FARSB: variants seen among roughly 807,000 people sequenced by gnomAD.
FARSB encodes phenylalanyl-tRNA synthetase subunit beta, also known as phenylalanine--tRNA ligase beta subunit.
FARSB carries 40 observed loss-of-function variants against 69.6 expected under a neutral mutation model. The observed-to-expected ratio is 0.57, with a 90% CI of 0.45 to 0.75. The LOEUF (loss-of-function observed/expected upper bound fraction) is 0.75. Among genes scored for constraint, FARSB ranks in the 30% least tolerant of loss-of-function variants. FARSB has a pLI of 0.00. For missense variants in FARSB, 632 were observed against 722.9 expected (o/e 0.87, Z 1.44); for synonymous variants, 235 against 247.2 (o/e 0.95, Z 0.46).
At chr2:222,607,962 T>C (rs1486388704) in intron 15 of FARSB, among the ~76,000 whole-genome samples, 1 of 151,638 alleles carries the variant, frequency 6.6e-6, no homozygotes, top group Non-Finnish European at 1.5e-5. Context: ...TTTTTACCTA[T>C]TAAAAAAAAA....
rs150135030 is a variant in FARSB, at chr2:222,628,145, C to A, written c.900+692G>T. On this transcript the variant is annotated intron_variant, in intron 10 of 16. Coordinates refer to ENST00000281828, the MANE Select transcript of FARSB (RefSeq NM_005687.5). ...TGCCTTCAGCAACTGTTAATTCAAG[C>A]GTGAACAGACTATGTTCGGAGGGCT... Among the ~76,000 whole-genome samples, 220 of 152,234 alleles carry A rather than the reference C, an allele frequency of 1.4e-3. 1 individual carries two copies. The highest frequency in any genetic ancestry group is 0.013 in the Admixed American group (193 of 15,286).
At chr2:222,580,178 G>A (rs552870458) in intron 16 of FARSB, among the ~76,000 whole-genome samples, 1 of 151,946 alleles carries the variant, frequency 6.6e-6, no homozygotes, top group South Asian at 2.1e-4. Context: ...CTTGGGAACT[G>A]CTTTTTCAAG....
intron 14 of FARSB, among the ~76,000 whole-genome samples, chr2:222,614,550 T>C (rs1423553855): frequency 6.6e-6 from 1 of 152,214 alleles, no homozygotes; most frequent in Non-Finnish European, 1.5e-5. Flanking sequence ...AATGTTTAAA[T>C]AGATTAAATA....
chr2:222,603,739 T>A (rs1363969886), intron 15 of FARSB, among the ~76,000 whole-genome samples: 1 of 147,818 alleles, frequency 6.8e-6, no homozygotes, highest in Non-Finnish European at 1.5e-5. Flanking sequence ...ATTATATATA[T>A]TAATTAATTA....
In FARSB at chr2:222,612,121, T is replaced by C. The variant is rs147902331; in HGVS notation, c.1462+1690A>G. The stretch of plus-strand genomic sequence containing the variant: ...AGAAAAATTTGACAATGGAATTATA[T>C]CAAATTCTCAGTTATCTCTACCAGT... On this transcript the variant is annotated intron_variant, in intron 15 of 16. Transcript: ENST00000281828. Among the ~76,000 whole-genome samples the C allele has an allele frequency of 5.6e-4, 86 of 152,294 alleles. 1 individual carries two copies. Among genetic ancestry groups the C allele is most frequent in the Middle Eastern group, 3.4e-3 (1 of 294 alleles).
chr2:222,605,161 T>TCTCTCTCTCTC (rs1690667824), intron 15 of FARSB, among the ~76,000 whole-genome samples: 1 of 132,674 alleles, frequency 7.5e-6, no homozygotes, highest in Non-Finnish European at 1.6e-5. Flanking sequence ...AATACAAACT[T>TCTCTCTCTCTC]TCTCTCTCTC....
At chr2:222,607,740 A>AT (rs1162221989) in intron 15 of FARSB, among the ~76,000 whole-genome samples, 7 of 152,090 alleles carry the variant, frequency 4.6e-5, no homozygotes, top group Admixed American at 6.5e-5. Flanking sequence ...TATATTTTCA[A>AT]TTTTTTTAAA....
intron 14 of FARSB, among the ~76,000 whole-genome samples, chr2:222,614,807 C>G (rs1690954414): frequency 6.6e-6 from 1 of 152,162 alleles, no homozygotes; most frequent in South Asian, 2.1e-4. Flanking sequence ...CCACTGCTCT[C>G]CAGCCTAGGC....
rs1233251602 is a variant in FARSB, at chr2:222,570,103, G to A, written c.*1768C>T. Among the ~76,000 whole-genome samples, 1 of 152,146 alleles carries A rather than the reference G, an allele frequency of 6.6e-6. No homozygotes were observed. The highest frequency in any genetic ancestry group is 1.5e-5 in the Non-Finnish European group (1 of 68,016). The stretch of plus-strand genomic sequence containing the variant: ...TTTAATGGGTATGCAGTTTGTCATT[G>A]TGAATTTTAGTTGCATTTCCCTGAT... On this transcript the variant is annotated 3_prime_UTR_variant, in exon 17 of 17. Coordinates refer to ENST00000281828, the MANE Select transcript of FARSB (RefSeq NM_005687.5).
At position 222,656,045 on chromosome 2, in the gene FARSB, A is replaced by G; in HGVS notation, c.29T>C (p.Leu10Pro). ...GGTGCGGCCCAGGGCTTGGAAGAGC[A>G]GATCACGCTTCACGCTGACAGTCGG... Reference protein sequence around the residue: MPTVSVKRDLLFQALGRTYT... With the variant: MPTVSVKRDPLFQALGRTYT... The change falls in exon 1 of 17, where the codon CTG becomes CCG. Residue 10 changes from leucine to proline, a missense_variant. By Grantham distance (98) the Leu-to-Pro change is moderately conservative. Coordinates refer to ENST00000281828, the MANE Select transcript of FARSB (RefSeq NM_005687.5). 1.9e-6 allele frequency: 3 copies of G among 1,597,582 alleles called. No individual in the cohort carries two copies. The highest frequency in any genetic ancestry group is 2.6e-6 in the Non-Finnish European group (3 of 1,173,066).
At position 222,604,495 on chromosome 2, in the gene FARSB, T is replaced by C. The variant is rs182026508; in HGVS notation, c.1463-4412A>G. 3.9e-5 allele frequency among the ~76,000 whole-genome samples: 6 copies of C among 152,298 alleles called. No homozygotes were observed. The East Asian group carries it at 1.2e-3, about 29-fold the overall frequency. On this transcript the variant is annotated intron_variant, in intron 15 of 16. Coordinates refer to ENST00000281828, the MANE Select transcript of FARSB (RefSeq NM_005687.5). Reference sequence around the variant, plus strand: ...TATATTCAAGGCGCTCTATTCTAGATATTCTTTGATGATAGAGGTCAAAGC... The same window carrying C: ...TATATTCAAGGCGCTCTATTCTAGACATTCTTTGATGATAGAGGTCAAAGC...
intron 6 of FARSB, among the ~76,000 whole-genome samples, chr2:222,634,029 T>C (rs1043155855): frequency 2.6e-5 from 4 of 152,218 alleles, no homozygotes; most frequent in African/African-American, 9.6e-5. Context: ...GCTGGACTTT[T>C]AAATAATGGG....
At chr2:222,602,948 A>G (rs886152524) in intron 15 of FARSB, among the ~76,000 whole-genome samples, 1 of 152,100 alleles carries the variant, frequency 6.6e-6, no homozygotes, top group African/African-American at 2.4e-5. Flanking sequence ...TATTGTATCT[A>G]TAAAAGCTAT....
chr2:222,634,618 G>A (rs1275681822), intron 5 of FARSB, 77 bp from the exon 6 acceptor site: 1 of 1,159,732 alleles, frequency 8.6e-7, no homozygotes, highest in Non-Finnish European at 1.2e-6. Context: ...ATATTCTAAA[G>A]CCGAAATTCT....
chr2:222,628,884 C>T lies in FARSB; in HGVS notation c.853G>A (p.Glu285Lys), dbSNP rs767956337. ...TTAGGAAAAACCACTTCAGCAGCTT[C>T]GACCCTGAAAACAAAAGCCAGAAAT... ...SEYCENQFTV[E>K]AAEVVFPNGK... Residue 285 changes from glutamate to lysine, a missense_variant, in exon 10 of 17, where the codon GAA becomes AAA. Glu to Lys is a moderately conservative substitution (Grantham distance 56, BLOSUM62 1). Coordinates refer to ENST00000281828, the MANE Select transcript of FARSB (RefSeq NM_005687.5). 3.1e-6 allele frequency: 5 copies of T among 1,608,578 alleles called. No homozygotes were observed. Among genetic ancestry groups the T allele is most frequent in the East Asian group, 2.2e-5 (1 of 44,734 alleles).
intron 16 of FARSB, among the ~76,000 whole-genome samples, chr2:222,598,474 T>C (rs185666475): frequency 2.0e-4 from 31 of 152,352 alleles, no homozygotes; most frequent in Admixed American, 1.9e-3. Flanking sequence ...ACCTTTCAAG[T>C]ATGAAAGAAA....
chr2:222,654,434 AAT>A (rs1186219353), intron 1 of FARSB, among the ~76,000 whole-genome samples: 27 of 152,346 alleles, frequency 1.8e-4, no homozygotes, highest in Admixed American at 1.4e-3. Flanking sequence ...CCACCCCCAA[AAT>A]ATCTCATTAT....
At chr2:222,610,864 G>T (rs912499500) in intron 15 of FARSB, among the ~76,000 whole-genome samples, 1 of 152,124 alleles carries the variant, frequency 6.6e-6, no homozygotes, top group Admixed American at 6.5e-5. Flanking sequence ...CAAATTGTCC[G>T]AATTTAAGCA....
At chr2:222,574,049 C>T (rs754405910) in intron 16 of FARSB, among the ~76,000 whole-genome samples, 10 of 152,178 alleles carry the variant, frequency 6.6e-5, no homozygotes, top group Non-Finnish European at 1.3e-4. Flanking sequence ...TAAAACCAAA[C>T]TATTTTGGAA....
Sources: gnomAD v4.1 joint callset for allele counts (sites outside exome capture counted in the v4.1 genomes callset) on GRCh38, gnomAD v4.1.1 for gene constraint, MANE v1.5 for transcripts, NCBI Gene and HGNC (gene_info 2026-07-23, HGNC 2026-07-21) for gene names.